The following RAB38 variants were observed in gnomAD, a reference collection of about 807,000 sequenced individuals.
RAB38 encodes ras-related protein Rab-38.
A neutral mutation model predicts 18.4 loss-of-function variants in RAB38; 15 were observed. That is an observed-to-expected ratio of 0.82 (90% CI 0.55 to 1.26). The LOEUF is 1.26. RAB38 is among the 50% of genes most tolerant of loss of function. The probability of loss-of-function intolerance (pLI) is 0.00; values close to 1 mark genes in which losing one functional copy is unlikely to be tolerated. For missense variants in RAB38, 294 were observed against 267.4 expected (o/e 1.10, Z -0.69); for synonymous variants, 101 against 104.4 (o/e 0.97, Z 0.20).
the RAB38 span, among the ~76,000 whole-genome samples, chr11:87,941,328 T>G: frequency 6.7e-6 from 1 of 148,372 alleles, no homozygotes; most frequent in Non-Finnish European, 1.5e-5. Flanking sequence ...TCTAACCACA[T>G]GGATAGGTGT....
intron 2 of RAB38, among the ~76,000 whole-genome samples, chr11:88,128,739 T>C (rs1326945163): frequency 6.6e-6 from 1 of 152,210 alleles, no homozygotes; most frequent in African/African-American, 2.4e-5. Flanking sequence ...GGAAGGACTC[T>C]GATGACTTTA....
the RAB38 span, among the ~76,000 whole-genome samples, chr11:87,933,485 C>A: frequency 6.6e-6 from 1 of 152,052 alleles, no homozygotes; most frequent in African/African-American, 2.4e-5. Flanking sequence ...AGTAGGTCTG[C>A]CAGAGAAGGC....
chr11:88,089,129 C>T, the RAB38 span, among the ~76,000 whole-genome samples: 1 of 151,900 alleles, frequency 6.6e-6, no homozygotes, highest in Non-Finnish European at 1.5e-5. Context: ...AAATACCTTC[C>T]TTCTCATGTC....
chr11:88,140,962 G>A, intron 2 of RAB38, among the ~76,000 whole-genome samples: 1 of 152,122 alleles, frequency 6.6e-6, no homozygotes, highest in East Asian at 1.9e-4. Flanking sequence ...TGATATCCAA[G>A]TAGAGATCCA....
the RAB38 span, among the ~76,000 whole-genome samples, chr11:88,039,936 A>G: frequency 7.9e-5 from 12 of 152,286 alleles, no homozygotes; most frequent in East Asian, 2.1e-3. Flanking sequence ...CTAGTCCTCA[A>G]TTGCACCATT....
At chr11:87,894,638 A>G in the RAB38 span, among the ~76,000 whole-genome samples, 2 of 151,498 alleles carry the variant, frequency 1.3e-5, no homozygotes, top group Non-Finnish European at 1.5e-5. Flanking sequence ...CCTAAATTTG[A>G]GACAATAGAA....
At chr11:88,058,420 T>G in the RAB38 span, among the ~76,000 whole-genome samples, 2 of 152,216 alleles carry the variant, frequency 1.3e-5, no homozygotes, top group African/African-American at 4.8e-5. Flanking sequence ...ATCTACTTCC[T>G]GAAGAGTAGA....
chr11:88,054,103 A>G, the RAB38 span, among the ~76,000 whole-genome samples: 1,222 of 152,322 alleles, frequency 8.0e-3, 18 homozygotes, highest in African/African-American at 0.027. Context: ...GTAAGGATTA[A>G]TGCATATAAA....
chr11:88,086,953 G>C, the RAB38 span, among the ~76,000 whole-genome samples: 1 of 148,938 alleles, frequency 6.7e-6, no homozygotes, highest in Non-Finnish European at 1.5e-5. Flanking sequence ...TAAAAAGCAG[G>C]CTGGACAATG....
At chr11:88,037,370 A>T in the RAB38 span, among the ~76,000 whole-genome samples, 15 of 152,132 alleles carry the variant, frequency 9.9e-5, no homozygotes, top group East Asian at 2.7e-3. Context: ...TGGTTTGTTC[A>T]TTTGGTAGTT....
At chr11:87,942,801 T>C in the RAB38 span, among the ~76,000 whole-genome samples, 1 of 152,076 alleles carries the variant, frequency 6.6e-6, no homozygotes, top group South Asian at 2.1e-4. Context: ...TGTCCACAAG[T>C]CTGTGTGTGA....
At chr11:87,853,230 T>C in the RAB38 span, among the ~76,000 whole-genome samples, 1 of 152,194 alleles carries the variant, frequency 6.6e-6, no homozygotes, top group Admixed American at 6.5e-5. Context: ...ACAGAATGTT[T>C]GTATCCTCCA....
the RAB38 span, among the ~76,000 whole-genome samples, chr11:87,866,572 C>T: frequency 4.0e-5 from 6 of 151,768 alleles, no homozygotes; most frequent in African/African-American, 4.8e-5. Context: ...GTATACTTAT[C>T]GACAGAACTA....
At chr11:87,965,397 C>A in the RAB38 span, among the ~76,000 whole-genome samples, 2 of 152,112 alleles carry the variant, frequency 1.3e-5, no homozygotes, top group African/African-American at 2.4e-5. Flanking sequence ...AGGGAACACT[C>A]CTGAAACCCT....
At chr11:88,106,451 AAC>A in the RAB38 span, among the ~76,000 whole-genome samples, 1 of 152,178 alleles carries the variant, frequency 6.6e-6, no homozygotes, top group Admixed American at 6.6e-5. Context: ...TTACAAAAAA[AAC>A]ACACTTTCAT....
chr11:87,847,069 G>T, the RAB38 span, among the ~76,000 whole-genome samples: 1 of 151,714 alleles, frequency 6.6e-6, no homozygotes, highest in Non-Finnish European at 1.5e-5. Flanking sequence ...CAGGAAAAAA[G>T]AAAGATCTAA....
chr11:87,946,441 C>A, the RAB38 span, among the ~76,000 whole-genome samples: 5 of 152,200 alleles, frequency 3.3e-5, no homozygotes, highest in South Asian at 1.0e-3. Context: ...GCACAACGTG[C>A]AGGTTTGTTA....
chr11:88,056,729 G>A, the RAB38 span, among the ~76,000 whole-genome samples: 1 of 152,044 alleles, frequency 6.6e-6, no homozygotes, highest in Admixed American at 6.5e-5. Context: ...GCGTGAACAT[G>A]GAAGGCGGAG....
the RAB38 span, among the ~76,000 whole-genome samples, chr11:88,042,047 T>C: frequency 6.6e-6 from 1 of 152,104 alleles, no homozygotes; most frequent in Non-Finnish European, 1.5e-5. Flanking sequence ...GGGAGGCATA[T>C]AATAGATTTC....
Sources: allele counts gnomAD v4.1 joint callset (sites outside exome capture counted in the v4.1 genomes callset), GRCh38; gene constraint gnomAD v4.1.1; transcripts MANE v1.5; gene names NCBI Gene and HGNC (gene_info 2026-07-23, HGNC 2026-07-21).